The following CMTM2 variants were observed in gnomAD, a reference collection of about 807,000 sequenced individuals.
CMTM2 encodes CKLF-like MARVEL transmembrane domain-containing protein 2.
Under a neutral mutation model 16.8 loss-of-function variants are expected in CMTM2, and 15 were observed. That is an observed-to-expected ratio of 0.89 (90% CI 0.60 to 1.37). The LOEUF (loss-of-function observed/expected upper bound fraction) is 1.37, where lower values mean the gene tolerates loss of function less well. Ranked by LOEUF, CMTM2 falls within the 40% of genes most tolerant of loss-of-function variation. CMTM2 has a pLI of 0.00. For synonymous variants in CMTM2, 117 were observed against 118.7 expected (o/e 0.99, Z 0.09); for missense variants, 282 against 318.0 (o/e 0.89, Z 0.86).
At chr16:66,586,364 G>A (rs759612126) in intron 2 of CMTM2, among the ~76,000 whole-genome samples, 26 of 152,144 alleles carry the variant, frequency 1.7e-4, no homozygotes, top group Non-Finnish European at 2.1e-4. Context: ...TTGGCTGGGC[G>A]CTGTGGCCCA....
chr16:66,583,650 C>T (rs1305332675), intron 2 of CMTM2, among the ~76,000 whole-genome samples: 1 of 151,688 alleles, frequency 6.6e-6, no homozygotes, highest in Non-Finnish European at 1.5e-5. Context: ...AGAAACATTC[C>T]ACATTCACAA....
chr16:66,579,682 G>C lies in CMTM2; in HGVS notation c.75G>C (p.Glu25Asp), dbSNP rs746300806. ...PAPPPPGAKP[E>D]EDKKDGKEPS... ...CACCTCCACCCGGGGCCAAACCCGAGGAAGACAAGAAGGACGGTAAGGAGC... is the reference window on the plus strand; with the variant it reads ...CACCTCCACCCGGGGCCAAACCCGACGAAGACAAGAAGGACGGTAAGGAGC... The change falls in exon 1 of 4, where the codon GAG (glutamate) becomes GAC (aspartate). Residue 25 changes from glutamate (E) to aspartate (D), a missense_variant. Physicochemically the swap from Glu to Asp is conservative, Grantham distance 45. Coordinates refer to ENST00000268595, the MANE Select transcript of CMTM2 (RefSeq NM_144673.3). This position sits in a 1 kb window ranked among gnomAD's most constrained non-coding sequence, Gnocchi z 6.5. The C allele has an allele frequency of 6.2e-7, 1 of 1,613,834 alleles. No homozygotes were observed. Among genetic ancestry groups the C allele is most frequent in the Non-Finnish European group, 8.5e-7 (1 of 1,179,994 alleles).
chr16:66,583,458 C>T (rs1365519415), intron 2 of CMTM2, among the ~76,000 whole-genome samples: 2 of 151,918 alleles, frequency 1.3e-5, no homozygotes, highest in African/African-American at 4.8e-5. Context: ...AGCCACTGCA[C>T]TCCAGCCTGG....
rs759326774 is a variant in CMTM2 at position 66,579,745 on chromosome 16, G to T, written c.138G>T (p.Lys46Asn). 8 of 1,613,736 alleles carry T rather than the reference G, an allele frequency of 5.0e-6. No homozygotes were observed. In the African/African-American group the frequency reaches 1.1e-4, roughly 22 times the overall value. The part of the protein sequence containing the change: ...DKPQKAVQDH[K>N]EPSDKPQKAV... ...CTCAAAAGGCGGTGCAGGACCATAA[G>T]GAGCCATCGGACAAACCTCAAAAGG... Residue 46 changes from lysine (K) to asparagine (N), a missense_variant, in exon 1 of 4, where the codon AAG becomes AAT. By Grantham distance (94) the Lys-to-Asn change is moderately conservative. Coordinates refer to ENST00000268595, the MANE Select transcript of CMTM2 (RefSeq NM_144673.3). This position sits in a 1 kb window ranked among gnomAD's most constrained non-coding sequence, Gnocchi z 6.5.
intron 2 of CMTM2, chr16:66,580,576 C>T (rs571392588): frequency 5.1e-6 from 1 of 195,084 alleles, no homozygotes; most frequent in African/African-American, 2.3e-5. Flanking sequence ...AAGAAAATTA[C>T]TCTCCCATAA....
At chr16:66,584,944 A>ATT (rs559994145) in intron 2 of CMTM2, among the ~76,000 whole-genome samples, 3,831 of 133,428 alleles carry the variant, frequency 0.029, 186 homozygotes, top group African/African-American at 0.1. Flanking sequence ...TACAAAAACA[A>ATT]TTTTTTTTTT....
chr16:66,579,776 C>G lies in CMTM2; in HGVS notation c.169C>G (p.Gln57Glu). The change falls in exon 1 of 4, where the codon CAG (glutamine) becomes GAG (glutamate). Residue 57 changes from glutamine to glutamate, a missense_variant. Coordinates refer to ENST00000268595, the MANE Select transcript of CMTM2 (RefSeq NM_144673.3). This position sits in a 1 kb window ranked among gnomAD's most constrained non-coding sequence, Gnocchi z 6.5. ...EPSDKPQKAV[Q>E]PKHEVGTRRG... ...ATCGGACAAACCTCAAAAGGCGGTG[C>G]AGCCCAAGCACGAAGTGGGCACGAG... 1 of 1,614,132 alleles carries G rather than the reference C, an allele frequency of 6.2e-7. No individual in the cohort carries two copies. Among genetic ancestry groups the G allele is most frequent in the Non-Finnish European group, 8.5e-7 (1 of 1,180,032 alleles).
At position 66,579,875 on chromosome 16, in the gene CMTM2, A is replaced by T; in HGVS notation, c.268A>T (p.Ile90Phe). The T allele has an allele frequency of 1.2e-6, 2 of 1,613,510 alleles. No individual in the cohort carries two copies. The highest frequency in any genetic ancestry group is 3.3e-5 in the Admixed American group (2 of 59,982). Residue 90 changes from isoleucine to phenylalanine, a missense_variant, in exon 1 of 4, where the codon ATC becomes TTC. Coordinates refer to ENST00000268595, the MANE Select transcript of CMTM2 (RefSeq NM_144673.3). The surrounding 1 kb of genome is among the most constrained non-coding windows in gnomAD (Gnocchi z 6.5). ...GTTCTGGCTCTTGGGGCACGCTGAG[A>T]TCAAGATTCGGAGTTTGGTGAGCTA... is the stretch of plus-strand genomic sequence containing the variant. Reference protein sequence around the residue: ...KEFWLLGHAEIKIRSLGCLIA... With the variant: ...KEFWLLGHAEFKIRSLGCLIA...
chr16:66,580,657 A>C (rs1390114176), intron 2 of CMTM2: 1 of 162,600 alleles, frequency 6.2e-6, no homozygotes, highest in Admixed American at 5.8e-5. Context: ...GTCTCCAGTG[A>C]ATATCCCTAT....
At chr16:66,585,666 C>T (rs996154824) in intron 2 of CMTM2, among the ~76,000 whole-genome samples, 2 of 152,040 alleles carry the variant, frequency 1.3e-5, no homozygotes, top group Non-Finnish European at 2.9e-5. Flanking sequence ...CAGCTCCATC[C>T]GTGAAGTTGG....
intron 2 of CMTM2, among the ~76,000 whole-genome samples, chr16:66,580,913 A>G (rs751567435): frequency 4.6e-4 from 70 of 152,032 alleles, no homozygotes; most frequent in Non-Finnish European, 3.2e-4. Context: ...ACAACCACCT[A>G]ACCCCTTGCC....
At chr16:66,582,456 G>A (rs12446566) in intron 2 of CMTM2, among the ~76,000 whole-genome samples, 1 of 152,116 alleles carries the variant, frequency 6.6e-6, no homozygotes, top group African/African-American at 2.4e-5. Context: ...ATCCCAGCAC[G>A]TTGGGAGGCT....
chr16:66,580,322 G>A, intron 2 of CMTM2, 138 bp downstream of exon 2: 1 of 922,240 alleles, frequency 1.1e-6, no homozygotes, highest in Non-Finnish European at 1.7e-6. Context: ...AACATCAGTG[G>A]GGCCCAGGCA....
In CMTM2 at chr16:66,587,106, T is replaced by C; in HGVS notation, c.546+8T>C. ...CACTACTTACTTGCTGTGGTGAGTC[T>C]TTCCATGCTGGGCCTTGCATTTGCT... On this transcript the variant is annotated splice_region_variant and intron_variant, in intron 3 of 3. Transcript: ENST00000268595. 1.2e-6 allele frequency: 2 copies of C among 1,605,948 alleles called. No individual in the cohort carries two copies. The highest frequency in any genetic ancestry group is 2.2e-5 in the South Asian group (2 of 90,932).
intron 1 of CMTM2, 23 bp from the exon 2 acceptor site, chr16:66,580,003 C>T (rs767042332): frequency 1.9e-6 from 3 of 1,614,028 alleles, no homozygotes; most frequent in Non-Finnish European, 2.5e-6. Context: ...GCTGCTGGCT[C>T]AGGTGTCTAT....
intron 3 of CMTM2, among the ~76,000 whole-genome samples, chr16:66,587,333 C>G (rs1463428089): frequency 6.6e-6 from 1 of 151,878 alleles, no homozygotes; most frequent in Non-Finnish European, 1.5e-5. Flanking sequence ...CCAGCCTGGC[C>G]AACATGGTGA....
At chr16:66,586,036 T>C (rs1391994734) in intron 2 of CMTM2, among the ~76,000 whole-genome samples, 1 of 152,126 alleles carries the variant, frequency 6.6e-6, no homozygotes, top group East Asian at 1.9e-4. Flanking sequence ...GGCAATGCCT[T>C]GTCACTAGCA....
intron 2 of CMTM2, 179 bp from the exon 3 acceptor site, chr16:66,586,818 C>T (rs2014798024): frequency 3.5e-6 from 2 of 579,068 alleles, no homozygotes; most frequent in Admixed American, 3.0e-5. Flanking sequence ...ATTTAAAAAG[C>T]CCAGCTGGAG....
chr16:66,586,242 G>A (rs190430424), intron 2 of CMTM2, among the ~76,000 whole-genome samples: 1 of 152,288 alleles, frequency 6.6e-6, no homozygotes, highest in East Asian at 1.9e-4. Flanking sequence ...AGCCAGTGCA[G>A]CCCACCCAGA....
Sources: gnomAD v4.1 joint callset for allele counts (sites outside exome capture counted in the v4.1 genomes callset) on GRCh38, gnomAD v4.1.1 for gene constraint, Gnocchi (gnomAD v3.1) non-coding constraint, MANE v1.5 for transcripts, NCBI Gene and HGNC (gene_info 2026-07-23, HGNC 2026-07-21) for gene names.